Variants in NEGR1 observed in about 807,000 individuals in gnomAD.
The protein encoded by NEGR1 is neuronal growth regulator 1.
Under a neutral mutation model 40.9 loss-of-function variants are expected in NEGR1, and 10 were observed. The ratio of observed to expected loss-of-function variants is 0.24; its 90% CI spans 0.15 to 0.42. The LOEUF (loss-of-function observed/expected upper bound fraction) is 0.42. Among genes scored for constraint, NEGR1 ranks in the 10% least tolerant of loss-of-function variants. The probability of loss-of-function intolerance (pLI) is 1.00; values close to 1 mark genes in which losing one functional copy is unlikely to be tolerated. For synonymous variants in NEGR1, 185 were observed against 166.8 expected, an observed-to-expected ratio of 1.11 and a Z score of -0.84; for missense variants, 352 against 438.9, an observed-to-expected ratio of 0.80 and a Z score of 1.77.
rs1159531411 is a variant in NEGR1, at chr1:71,406,420, A to C, written c.*1026T>G. The C allele has an allele frequency of 6.6e-6, 1 of 151,906 alleles. No homozygotes were observed. Among genetic ancestry groups the C allele is most frequent in the Non-Finnish European group, 1.5e-5 (1 of 67,882 alleles). 9.4% of individuals were successfully genotyped at this position (151,906 alleles called of 1,614,324 possible). A position where few individuals can be genotyped will look rare whatever the true frequency, so the allele number is the denominator to read the frequency against. Reference sequence around the variant, plus strand: ...AACTCTTGTAATATTAGGTGATAGGACTTTGTGCCCTTTCTGACAAATCAT... The same window carrying C: ...AACTCTTGTAATATTAGGTGATAGGCCTTTGTGCCCTTTCTGACAAATCAT... On this transcript the variant is annotated 3_prime_UTR_variant, in exon 7 of 7. Coordinates refer to ENST00000357731, the MANE Select transcript of NEGR1 (RefSeq NM_173808.3).
chr1:71,665,075 A>G (rs1233718041), intron 4 of NEGR1, among the ~76,000 whole-genome samples: 1 of 152,166 alleles, frequency 6.6e-6, no homozygotes, highest in Non-Finnish European at 1.5e-5. Flanking sequence ...ATATTTACCA[A>G]AGCTATTTGC....
intron 6 of NEGR1, among the ~76,000 whole-genome samples, chr1:71,440,230 A>G (rs1646537728): frequency 6.6e-6 from 1 of 152,198 alleles, no homozygotes; most frequent in Non-Finnish European, 1.5e-5. Context: ...GATGAACACT[A>G]AAACTGATGA....
chr1:72,268,673 T>C (rs774040296), intron 1 of NEGR1, among the ~76,000 whole-genome samples: 1 of 151,404 alleles, frequency 6.6e-6, no homozygotes, highest in Non-Finnish European at 1.5e-5. Context: ...AAAGAAAAAT[T>C]AAAAATCAAT....
chr1:71,731,997 A>AT (rs1424405230), intron 3 of NEGR1, among the ~76,000 whole-genome samples: 1 of 152,172 alleles, frequency 6.6e-6, no homozygotes, highest in East Asian at 1.9e-4. Context: ...TTCATGAGGC[A>AT]TTGGTGTTTA....
At chr1:72,155,872 C>T (rs1178572351) in intron 1 of NEGR1, among the ~76,000 whole-genome samples, 1 of 152,042 alleles carries the variant, frequency 6.6e-6, no homozygotes, top group Non-Finnish European at 1.5e-5. Flanking sequence ...TAGCTATTAA[C>T]ATGATACAAC....
At chr1:71,578,712 G>A (rs1353000380) in intron 6 of NEGR1, among the ~76,000 whole-genome samples, 1 of 152,052 alleles carries the variant, frequency 6.6e-6, no homozygotes, top group Non-Finnish European at 1.5e-5. Context: ...ATGAATTAAT[G>A]AATAGACTAA....
chr1:72,177,132 G>A (rs779567960), intron 1 of NEGR1, among the ~76,000 whole-genome samples: 1 of 152,036 alleles, frequency 6.6e-6, no homozygotes, highest in Non-Finnish European at 1.5e-5. Context: ...TGTTGTAGTA[G>A]TTATATGATC....
At position 71,514,204 on chromosome 1, in the gene NEGR1, A is replaced by C. The variant is rs1172943223; in HGVS notation, c.940+78613T>G. Among the ~76,000 whole-genome samples, 3 of 114,948 alleles carry C rather than the reference A, an allele frequency of 2.6e-5. No homozygotes were observed. The East Asian group carries it at 7.6e-4, about 29-fold the overall frequency. The allele number at this position is 114,948 out of a possible 152,430, so 75.4% of individuals were successfully genotyped here. On this transcript the variant is annotated intron_variant, in intron 6 of 6. Coordinates refer to ENST00000357731, the MANE Select transcript of NEGR1 (RefSeq NM_173808.3). ...GTAAACAAAGCAGCCGGGAAGCTCG[A>C]ACTGGGTGGAGCCCACCACAGCTCA...
Position 72,233,766 on chromosome 1 carries a change from T to C in NEGR1, c.176+48553A>G, listed in dbSNP as rs575108965. 3.2e-3 allele frequency among the ~76,000 whole-genome samples: 488 copies of C among 152,152 alleles called. 1 individual carries two copies. Among genetic ancestry groups the C allele is most frequent in the Non-Finnish European group, 6.2e-3 (420 of 67,992 alleles). ...ACTTCAATGACCATATAAATGTGAG[T>C]GTCTTTTTGGTAGAATGATTTAGTT... On this transcript the variant is annotated intron_variant, in intron 1 of 6. Coordinates refer to ENST00000357731, the MANE Select transcript of NEGR1 (RefSeq NM_173808.3).
intron 6 of NEGR1, among the ~76,000 whole-genome samples, chr1:71,536,146 T>A (rs993680180): frequency 2.6e-5 from 4 of 151,720 alleles, no homozygotes; most frequent in African/African-American, 9.7e-5. Flanking sequence ...ACTATATAAT[T>A]AACAAAATTC....
chr1:71,564,574 T>C (rs541876485), intron 6 of NEGR1, among the ~76,000 whole-genome samples: 1 of 152,232 alleles, frequency 6.6e-6, no homozygotes, highest in South Asian at 2.1e-4. Context: ...TCTCTTAGTG[T>C]TGATATGTAC....
intron 2 of NEGR1, among the ~76,000 whole-genome samples, chr1:71,838,052 C>T (rs1340395879): frequency 6.6e-6 from 1 of 151,928 alleles, no homozygotes; most frequent in African/African-American, 2.4e-5. Flanking sequence ...GTTTGAGGTA[C>T]ATTGAAAAAA....
At chr1:71,998,748 T>G (rs1291894916) in intron 1 of NEGR1, among the ~76,000 whole-genome samples, 1 of 151,260 alleles carries the variant, frequency 6.6e-6, no homozygotes, top group African/African-American at 2.4e-5. Context: ...TACATAAGTA[T>G]ATAGTAAATA....
At chr1:72,218,206 G>C (rs1653889330) in intron 1 of NEGR1, among the ~76,000 whole-genome samples, 1 of 151,698 alleles carries the variant, frequency 6.6e-6, no homozygotes, top group Non-Finnish European at 1.5e-5. Context: ...TGACACATTT[G>C]AGGCTATTGT....
chr1:71,765,049 G>T (rs766201140), intron 3 of NEGR1, among the ~76,000 whole-genome samples: 1 of 152,010 alleles, frequency 6.6e-6, no homozygotes, highest in African/African-American at 2.4e-5. Flanking sequence ...CATGGTCACC[G>T]GTGGTCGGCT....
At chr1:71,535,383 C>G (rs1441005124) in intron 6 of NEGR1, among the ~76,000 whole-genome samples, 2 of 151,664 alleles carry the variant, frequency 1.3e-5, no homozygotes, top group African/African-American at 4.8e-5. Context: ...TCCCAATGAA[C>G]CAAGCTCTTC....
chr1:71,711,112 C>A (rs1220210840), intron 3 of NEGR1, among the ~76,000 whole-genome samples: 1 of 150,992 alleles, frequency 6.6e-6, no homozygotes, highest in East Asian at 1.9e-4. Flanking sequence ...CTGAGGCGGG[C>A]AGATCACGAG....
Position 72,273,885 on chromosome 1 carries a change from T to C in NEGR1, c.176+8434A>G, listed in dbSNP as rs1438971383. On this transcript the variant is annotated intron_variant, in intron 1 of 6. Coordinates refer to ENST00000357731, the MANE Select transcript of NEGR1 (RefSeq NM_173808.3). ...ATTTCTTCACTTACCCTTCCATTGATTCATTAATTCAAAAATTAGTAGATA... is the reference window on the plus strand; with the variant it reads ...ATTTCTTCACTTACCCTTCCATTGACTCATTAATTCAAAAATTAGTAGATA... 3.3e-5 allele frequency among the ~76,000 whole-genome samples: 5 copies of C among 151,712 alleles called. No homozygotes were observed. The East Asian group carries it at 9.7e-4, about 29-fold the overall frequency.
intron 6 of NEGR1, among the ~76,000 whole-genome samples, chr1:71,498,227 G>A (rs1334774828): frequency 1.3e-5 from 2 of 151,404 alleles, no homozygotes; most frequent in African/African-American, 2.4e-5. Flanking sequence ...TAGCATTAAA[G>A]TGATAATATT....
Sources: allele counts gnomAD v4.1 joint callset (sites outside exome capture counted in the v4.1 genomes callset), GRCh38; gene constraint gnomAD v4.1.1; transcripts MANE v1.5; gene names NCBI Gene and HGNC (gene_info 2026-07-23, HGNC 2026-07-21).